SPTBN1: variants seen among roughly 807,000 people sequenced by gnomAD.
SPTBN1 encodes the protein spectrin beta, non-erythrocytic 1, also known as spectrin beta chain, non-erythrocytic 1.
In SPTBN1, 32 loss-of-function variants were observed where a neutral mutation model predicts 266.4. The observed-to-expected ratio is 0.12, with a 90% CI of 0.09 to 0.16. The LOEUF (loss-of-function observed/expected upper bound fraction) is 0.16. Ranked by LOEUF, SPTBN1 falls within the 10% of genes least tolerant of loss-of-function variation. SPTBN1 has a pLI of 1.00. For missense variants in SPTBN1, 2,296 were observed against 3,067.1 expected (o/e 0.75, Z 5.94); for synonymous variants, 1,336 against 1,162.2 (o/e 1.15, Z -3.04).
intron 1 of SPTBN1, among the ~76,000 whole-genome samples, chr2:54,463,159 A>G (rs1352880721): frequency 6.6e-6 from 1 of 151,748 alleles, no homozygotes; most frequent in Non-Finnish European, 1.5e-5. Context: ...GAGATGGGAA[A>G]ATGGTTGTGA....
intron 18 of SPTBN1, among the ~76,000 whole-genome samples, chr2:54,641,790 TC>T (rs1679584695): frequency 6.6e-6 from 1 of 151,116 alleles, no homozygotes; most frequent in Non-Finnish European, 1.5e-5. Context: ...CTCCTTGACA[TC>T]ATTTCCAAAA....
intron 7 of SPTBN1, among the ~76,000 whole-genome samples, chr2:54,621,187 G>A (rs185940221): frequency 3.3e-5 from 5 of 152,276 alleles, no homozygotes; most frequent in Non-Finnish European, 5.9e-5. Flanking sequence ...TCTGTGGAAG[G>A]CGTTTCATGA....
At position 54,632,783 on chromosome 2, in the gene SPTBN1, G is replaced by T; in HGVS notation, c.3767+15G>T. On this transcript the variant is annotated intron_variant, in intron 17 of 35. Transcript: ENST00000356805. ...ATTGATGACAGGTACAGTTTTCTGA[G>T]GTTCTTAAGGGAGCCTTGCACCTTG... 1.2e-6 allele frequency: 2 copies of T among 1,613,386 alleles called. No homozygotes were observed. The highest frequency in any genetic ancestry group is 8.5e-7 in the Non-Finnish European group (1 of 1,179,684).
intron 1 of SPTBN1, among the ~76,000 whole-genome samples, chr2:54,518,646 T>A (rs1367787391): frequency 6.6e-6 from 1 of 152,100 alleles, no homozygotes; most frequent in African/African-American, 2.4e-5. Flanking sequence ...ATGAATAAAG[T>A]GGGAGTGTTT....
At chr2:54,507,206 T>G (rs1669620240) in intron 1 of SPTBN1, among the ~76,000 whole-genome samples, 1 of 152,150 alleles carries the variant, frequency 6.6e-6, no homozygotes. Flanking sequence ...TCACTTCTTT[T>G]GTGTATCTTC....
In SPTBN1 at chr2:54,526,361, CT is replaced by C; in HGVS notation, c.-47-8del. Reference sequence around the variant, plus strand: ...CAGACGTCTAAATGTTTTTCCTTTTCTTTCTCATAGAACTCTAAGAAGGAGC... The same window carrying C: ...CAGACGTCTAAATGTTTTTCCTTTTCTTCTCATAGAACTCTAAGAAGGAGC... On this transcript the variant is annotated splice_polypyrimidine_tract_variant and intron_variant, in intron 1 of 35. Transcript: ENST00000356805. The C allele has an allele frequency of 6.3e-7, 1 of 1,592,250 alleles. No homozygotes were observed. The highest frequency in any genetic ancestry group is 8.6e-7 in the Non-Finnish European group (1 of 1,169,122).
At chr2:54,621,668 CAA>C (rs570977493) in intron 8 of SPTBN1, among the ~76,000 whole-genome samples, 156 bp downstream of exon 8, 34 of 152,312 alleles carry the variant, frequency 2.2e-4, no homozygotes, top group East Asian at 1.9e-3. Context: ...TGAAGGGTAA[CAA>C]GAGGTGGGAG....
At chr2:54,639,832 A>G (rs1679408929) in intron 18 of SPTBN1, among the ~76,000 whole-genome samples, 1 of 152,128 alleles carries the variant, frequency 6.6e-6, no homozygotes, top group South Asian at 2.1e-4. Context: ...CTTCTCCTCA[A>G]AGGACACAGG....
intron 32 of SPTBN1, chr2:54,661,095 C>T (rs1681012250): frequency 8.1e-6 from 8 of 985,312 alleles, no homozygotes; most frequent in Non-Finnish European, 9.6e-6. Flanking sequence ...ACAAACTCCA[C>T]TGTACATCTT....
chr2:54,466,708 T>A (rs1693654346), intron 1 of SPTBN1, among the ~76,000 whole-genome samples: 1 of 152,172 alleles, frequency 6.6e-6, no homozygotes, highest in African/African-American at 2.4e-5. Context: ...TTCTCCATAT[T>A]TTTTAAGTTT....
rs377162759 is a variant in SPTBN1, at chr2:54,648,305, T to C, written c.4998-681T>C. ...AAGTGGCCTTCCTAGTCTCCAGGGA[T>C]AGGCACCAACATGTCCTTTGTCTCT... is the stretch of plus-strand genomic sequence containing the variant. On this transcript the variant is annotated intron_variant, in intron 24 of 35. Transcript: ENST00000356805. Among the ~76,000 whole-genome samples the C allele has an allele frequency of 3.7e-4, 57 of 152,294 alleles. No individual in the cohort carries two copies. The South Asian group carries it at 0.011, about 30-fold the overall frequency.
rs748244446 is a variant in SPTBN1, at chr2:54,622,285, AT to A, written c.877-14del. The A allele has an allele frequency of 2.7e-5, 43 of 1,612,218 alleles. No homozygotes were observed. In the South Asian group the frequency reaches 4.6e-4, roughly 17 times the overall value. ...GTGACATGATCTTTTCAATTTTTCT[AT>A]CCCTTGTTGCCAGGTGCTTGACAAT... On this transcript the variant is annotated splice_polypyrimidine_tract_variant and intron_variant, in intron 8 of 35. Coordinates refer to ENST00000356805, the MANE Select transcript of SPTBN1 (RefSeq NM_003128.3).
At chr2:54,479,766 TA>T (rs1353444000) in intron 1 of SPTBN1, among the ~76,000 whole-genome samples, 19 of 152,334 alleles carry the variant, frequency 1.2e-4, no homozygotes, top group Admixed American at 1.2e-3. Context: ...TGTAGCTATT[TA>T]AAAAATTATT....
chr2:54,606,239 G>T (rs1676831617), intron 3 of SPTBN1, among the ~76,000 whole-genome samples: 1 of 152,134 alleles, frequency 6.6e-6, no homozygotes. Context: ...AGCCTGGGAA[G>T]GTACCGACAG....
chr2:54,458,334 C>G (rs1267594122), intron 1 of SPTBN1, among the ~76,000 whole-genome samples: 2 of 151,984 alleles, frequency 1.3e-5, no homozygotes, highest in East Asian at 1.9e-4. Context: ...ATTCCTTTAG[C>G]TTGTATTTTG....
intron 1 of SPTBN1, among the ~76,000 whole-genome samples, chr2:54,494,554 G>T (rs1221048595): frequency 6.6e-6 from 1 of 152,194 alleles, no homozygotes; most frequent in Non-Finnish European, 1.5e-5. Context: ...ATACTATTCA[G>T]CAGTAAAAAC....
chr2:54,622,705 A>T (rs371372748), intron 9 of SPTBN1, among the ~76,000 whole-genome samples: 6 of 152,186 alleles, frequency 3.9e-5, no homozygotes, highest in African/African-American at 1.2e-4. Flanking sequence ...GACATACAGG[A>T]TATATGAGAA....
At chr2:54,516,375 G>T (rs1670110238) in intron 1 of SPTBN1, 1 of 152,174 alleles carries the variant, frequency 6.6e-6, no homozygotes, top group Non-Finnish European at 1.5e-5. Context: ...ATTTTTAGCT[G>T]TGTTAGGGTT....
In SPTBN1 at chr2:54,646,342, T is replaced by C. The variant is rs879115004; in HGVS notation, c.4733T>C (p.Ile1578Thr). 6.2e-6 allele frequency: 10 copies of C among 1,614,016 alleles called. No individual in the cohort carries two copies. Among genetic ancestry groups the C allele is most frequent in the East Asian group, 2.2e-5 (1 of 44,862 alleles). Reference sequence around the variant, plus strand: ...CTGAAGCAGCTGTGGGGTCTCCTCATTGAGGAGACAGAGAAACGCCACAGG... The same window carrying C: ...CTGAAGCAGCTGTGGGGTCTCCTCACTGAGGAGACAGAGAAACGCCACAGG... Reference protein sequence around the residue: ...ADLKQLWGLLIEETEKRHRRL... With the variant: ...ADLKQLWGLLTEETEKRHRRL... Residue 1578 changes from isoleucine to threonine, a missense_variant, in exon 23 of 36, where the codon ATT becomes ACT. Physicochemically the swap from Ile to Thr is moderately conservative, Grantham distance 89. Around this residue, in one of 12 missense-constraint regions of SPTBN1, gnomAD observed 644 missense variants for 745.3 expected, o/e 0.86. Transcript: ENST00000356805. This position sits in a 1 kb window ranked among gnomAD's most constrained non-coding sequence, Gnocchi z 4.4.
Sources: gnomAD v4.1 joint callset for allele counts (sites outside exome capture counted in the v4.1 genomes callset) on GRCh38, gnomAD v4.1.1 for gene constraint, gnomAD v4.1.1 regional missense constraint, Gnocchi (gnomAD v3.1) non-coding constraint, MANE v1.5 for transcripts, NCBI Gene and HGNC (gene_info 2026-07-23, HGNC 2026-07-21) for gene names.